MECOM: variants seen among roughly 807,000 people sequenced by gnomAD.
The protein encoded by MECOM is MDS1 and EVI1 complex locus, also known as histone-lysine N-methyltransferase MECOM.
Under a neutral mutation model 116.3 loss-of-function variants are expected in MECOM, and 13 were observed. The observed-to-expected ratio is 0.11, with a 90% confidence interval of 0.07 to 0.18. The LOEUF (loss-of-function observed/expected upper bound fraction) is 0.18. Ranked by LOEUF, MECOM falls within the 10% of genes least tolerant of loss-of-function variation. The probability of loss-of-function intolerance (pLI) is 1.00; values close to 1 mark genes in which losing one functional copy is unlikely to be tolerated. For missense variants in MECOM, 1,299 were observed against 1,509.0 expected, an observed-to-expected ratio of 0.86 and a Z score of 2.31; for synonymous variants, 528 against 535.2, an observed-to-expected ratio of 0.99 and a Z score of 0.19.
chr3:169,093,007 T>C lies in MECOM; in HGVS notation c.3115A>G (p.Ile1039Val). ...DAYFTEIRNF[I>V]GNSNHGSQSP... ...TGGCTGCCATGGTTGCTGTTCCCAA[T>C]GAAATTTCGAATTTCTGTGAAGTAA... The change falls in exon 14 of 17, where the codon ATT becomes GTT. Residue 1039 changes from isoleucine (I) to valine (V), a missense_variant. Physicochemically the swap from Ile to Val is conservative, Grantham distance 29 (BLOSUM62 3). This residue lies in a region of MECOM where 273 missense variants were observed against 289.3 expected (regional missense o/e 0.94). Coordinates refer to ENST00000651503, the MANE Select transcript of MECOM (RefSeq NM_004991.4). 1 of 1,613,864 alleles carries C rather than the reference T, an allele frequency of 6.2e-7. No individual in the cohort carries two copies. Among genetic ancestry groups the C allele is most frequent in the South Asian group, 1.1e-5 (1 of 91,076 alleles).
chr3:169,574,858 G>A (rs928272176), intron 1 of MECOM, among the ~76,000 whole-genome samples: 1 of 152,062 alleles, frequency 6.6e-6, no homozygotes, highest in African/African-American at 2.4e-5. Context: ...ATTCAATGAG[G>A]GGAGGGAGAA....
At chr3:169,456,984 A>G (rs1438370472) in intron 1 of MECOM, among the ~76,000 whole-genome samples, 2 of 152,132 alleles carry the variant, frequency 1.3e-5, no homozygotes, top group Non-Finnish European at 2.9e-5. Flanking sequence ...GGCAGGATGT[A>G]TAAGAGGAAA....
At chr3:169,290,968 C>T (rs1317776786) in intron 2 of MECOM, among the ~76,000 whole-genome samples, 1 of 152,256 alleles carries the variant, frequency 6.6e-6, no homozygotes, top group East Asian at 1.9e-4. Context: ...CTTTCATTTA[C>T]TTTTGGTGGT....
Position 169,381,396 on chromosome 3 carries a change from A to G in MECOM, c.166T>C (p.Phe56Leu), listed in dbSNP as rs749033118. The G allele has an allele frequency of 2.5e-6, 4 of 1,613,876 alleles. No individual in the cohort carries two copies. In the South Asian group the frequency reaches 4.4e-5, roughly 18 times the overall value. ...TAAGGAGAACCCTCCTTTGGAGTGA[A>G]TGCTTCACTGGATGTGGCAGGAGAG... ...PCSPATSSEA[F>L]TPKEGSPYKA... The change falls in exon 2 of 17, where the codon TTC becomes CTC. Residue 56 changes from phenylalanine (F) to leucine (L), a missense_variant. By Grantham distance (22) the Phe-to-Leu change is conservative (BLOSUM62 0). Transcript: ENST00000651503.
intron 2 of MECOM, among the ~76,000 whole-genome samples, chr3:169,156,250 C>A (rs755702270): frequency 6.6e-6 from 1 of 152,148 alleles, no homozygotes. Context: ...CTAGGAAATC[C>A]TTTAGTAAAG....
intron 2 of MECOM, among the ~76,000 whole-genome samples, chr3:169,218,049 A>G (rs1751640357): frequency 6.6e-6 from 1 of 151,910 alleles, no homozygotes; most frequent in African/African-American, 2.4e-5. Context: ...TAATCATTTG[A>G]CTACTATAAA....
intron 2 of MECOM, among the ~76,000 whole-genome samples, chr3:169,239,404 A>G (rs1313311837): frequency 6.6e-6 from 1 of 152,042 alleles, no homozygotes; most frequent in Non-Finnish European, 1.5e-5. Flanking sequence ...TATTTTGTAG[A>G]TACCACTGAT....
chr3:169,201,490 A>G (rs965959829), intron 2 of MECOM, among the ~76,000 whole-genome samples: 2 of 152,068 alleles, frequency 1.3e-5, no homozygotes, highest in African/African-American at 4.8e-5. Flanking sequence ...CTTAGGAACC[A>G]CTTCCCATAC....
chr3:169,647,657 G>A (rs778220013), intron 1 of MECOM, among the ~76,000 whole-genome samples: 1 of 152,060 alleles, frequency 6.6e-6, no homozygotes, highest in Non-Finnish European at 1.5e-5. Flanking sequence ...TACCCTCTTA[G>A]CATTTTTAAT....
intron 2 of MECOM, among the ~76,000 whole-genome samples, chr3:169,223,389 G>A (rs1417012230): frequency 2.0e-5 from 3 of 147,364 alleles, no homozygotes; most frequent in Non-Finnish European, 4.5e-5. Flanking sequence ...TGTGGTGTTT[G>A]GTTTTCTGTC....
intron 1 of MECOM, among the ~76,000 whole-genome samples, chr3:169,603,813 A>C (rs547484566): frequency 1.8e-4 from 27 of 152,286 alleles, no homozygotes; most frequent in Admixed American, 6.5e-4. Context: ...GCATTGTCTA[A>C]TGCCACGTTT....
intron 1 of MECOM, among the ~76,000 whole-genome samples, chr3:169,421,107 G>A (rs892411925): frequency 1.2e-4 from 18 of 152,102 alleles, no homozygotes; most frequent in African/African-American, 4.3e-4. Context: ...TCAGAGAACG[G>A]ACTAAGAGGT....
At chr3:169,551,785 C>T (rs1184736052) in intron 1 of MECOM, among the ~76,000 whole-genome samples, 1 of 151,998 alleles carries the variant, frequency 6.6e-6, no homozygotes, top group Non-Finnish European at 1.5e-5. Flanking sequence ...TTTATAATAG[C>T]TAGAAAATGG....
chr3:169,401,724 C>G (rs866498403), intron 1 of MECOM, among the ~76,000 whole-genome samples: 1 of 152,068 alleles, frequency 6.6e-6, no homozygotes, highest in South Asian at 2.1e-4. Flanking sequence ...AAAAAAGACC[C>G]TACTAGAAAG....
At chr3:169,119,186 A>T (rs2149101096) in intron 7 of MECOM, among the ~76,000 whole-genome samples, 1 of 152,310 alleles carries the variant, frequency 6.6e-6, no homozygotes, top group South Asian at 2.1e-4. Context: ...CAGTTGCCAT[A>T]AACACACCAG....
At chr3:169,655,254 CA>C (rs1256827882) in intron 1 of MECOM, among the ~76,000 whole-genome samples, 1 of 152,016 alleles carries the variant, frequency 6.6e-6, no homozygotes, top group Non-Finnish European at 1.5e-5. Flanking sequence ...GGCTGGGTGT[CA>C]AAAAATTAAA....
intron 2 of MECOM, among the ~76,000 whole-genome samples, chr3:169,185,248 C>T (rs937727161): frequency 1.3e-5 from 2 of 151,856 alleles, no homozygotes; most frequent in African/African-American, 4.8e-5. Flanking sequence ...AAGTGTGGAC[C>T]CTGGGAAACA....
In MECOM at chr3:169,132,016, ACATGACATAAAGGAT is replaced by A; in HGVS notation, c.511-500_511-486del. 4 of 970,226 alleles carry A rather than the reference ACATGACATAAAGGAT, an allele frequency of 4.1e-6. No homozygotes were observed. The South Asian group carries it at 1.9e-4, about 45-fold the overall frequency. 60.1% of individuals were successfully genotyped at this position (970,226 alleles called of 1,614,324 possible). ...GTTTGGAAGGTAATAGGTTGAAAGG[ACATGACATAAAGGAT>A]CATGACAACAAAGGAGAGTATTTTG... is the stretch of plus-strand genomic sequence containing the variant. On this transcript the variant is annotated intron_variant, in intron 3 of 16. Transcript: ENST00000651503.
At chr3:169,506,282 A>T (rs1279479648) in intron 1 of MECOM, among the ~76,000 whole-genome samples, 1 of 152,106 alleles carries the variant, frequency 6.6e-6, no homozygotes, top group Admixed American at 6.6e-5. Context: ...GTGCAGTCAG[A>T]TTTTATTTTA....
Sources: allele counts gnomAD v4.1 joint callset (sites outside exome capture counted in the v4.1 genomes callset), GRCh38; gene constraint gnomAD v4.1.1; regional missense constraint gnomAD v4.1.1; transcripts MANE v1.5; gene names NCBI Gene and HGNC (gene_info 2026-07-23, HGNC 2026-07-21).